The following STX18 variants were observed in gnomAD, a reference collection of about 807,000 sequenced individuals.
STX18 encodes the protein syntaxin 18.
In STX18, 40 loss-of-function variants were observed where a neutral mutation model predicts 50.1. The observed-to-expected ratio is 0.80, with a 90% confidence interval of 0.62 to 1.04. The LOEUF (loss-of-function observed/expected upper bound fraction) is 1.04, where lower values mean the gene tolerates loss of function less well. STX18 is among the 50% of genes least tolerant of loss of function. The probability of loss-of-function intolerance (pLI) is 0.00; values close to 1 mark genes in which losing one functional copy is unlikely to be tolerated. For synonymous variants in STX18, 158 were observed against 151.8 expected (o/e 1.04, Z -0.30); for missense variants, 410 against 415.8 (o/e 0.99, Z 0.12).
intron 1 of STX18, among the ~76,000 whole-genome samples, chr4:4,521,220 T>A (rs941994067): frequency 6.6e-6 from 1 of 152,194 alleles, no homozygotes; most frequent in African/African-American, 2.4e-5. Context: ...GTCCCCTCAC[T>A]GACATTTCTT....
At chr4:4,431,270 C>T (rs1306962888) in intron 7 of STX18, among the ~76,000 whole-genome samples, 2 of 152,154 alleles carry the variant, frequency 1.3e-5, no homozygotes, top group Admixed American at 6.5e-5. Flanking sequence ...CAGAGCTGTA[C>T]ACATTTTTTG....
intron 1 of STX18, among the ~76,000 whole-genome samples, chr4:4,480,914 T>C (rs1425236287): frequency 6.6e-6 from 1 of 152,226 alleles, no homozygotes; most frequent in Admixed American, 6.5e-5. Context: ...TGAAATGAGA[T>C]TGTTTTTAAG....
chr4:4,481,481 T>C (rs1336679779), intron 1 of STX18: 1 of 152,194 alleles, frequency 6.6e-6, no homozygotes, highest in African/African-American at 2.4e-5. Context: ...TTTTTTTTCA[T>C]TCAATCAGTG....
At chr4:4,509,473 A>C (rs1729894597) in intron 1 of STX18, among the ~76,000 whole-genome samples, 1 of 151,790 alleles carries the variant, frequency 6.6e-6, no homozygotes, top group South Asian at 2.1e-4. Context: ...TGCCAGGTGG[A>C]TAGATTACGA....
intron 2 of STX18, among the ~76,000 whole-genome samples, chr4:4,466,570 G>C (rs1727631572): frequency 6.6e-6 from 1 of 152,164 alleles, no homozygotes; most frequent in African/African-American, 2.4e-5. Context: ...AAGAGATCAG[G>C]CAAGTGACAA....
chr4:4,484,549 A>G (rs1478560209), intron 1 of STX18, among the ~76,000 whole-genome samples: 1 of 152,252 alleles, frequency 6.6e-6, no homozygotes, highest in Non-Finnish European at 1.5e-5. Flanking sequence ...CATCATTCAA[A>G]AAATGAGATG....
At chr4:4,459,189 A>G (rs1219966327) in intron 3 of STX18, among the ~76,000 whole-genome samples, 183 bp downstream of exon 3, 1 of 152,226 alleles carries the variant, frequency 6.6e-6, no homozygotes, top group Non-Finnish European at 1.5e-5. Flanking sequence ...CTTGAATGAT[A>G]CAGCCTTTGC....
intron 6 of STX18, among the ~76,000 whole-genome samples, chr4:4,435,287 CAT>C (rs774984526): frequency 1.7e-4 from 26 of 150,012 alleles, no homozygotes; most frequent in South Asian, 4.2e-4. Context: ...TATATACATA[CAT>C]ATATATATAT....
At chr4:4,491,011 C>T (rs1728914881) in intron 1 of STX18, among the ~76,000 whole-genome samples, 1 of 151,822 alleles carries the variant, frequency 6.6e-6, no homozygotes. Flanking sequence ...ATAAAAGCAA[C>T]GTGGTCCAAA....
Position 4,420,670 on chromosome 4 carries a change from G to A in STX18, c.912+194C>T, listed in dbSNP as rs950626879. On this transcript the variant is annotated intron_variant, in intron 10 of 10. Coordinates refer to ENST00000306200, the MANE Select transcript of STX18 (RefSeq NM_016930.4). The surrounding 1 kb of genome is among the most constrained non-coding windows in gnomAD (Gnocchi z 4.3). The stretch of plus-strand genomic sequence containing the variant: ...GGAGGCTGGTGAGCCACTGCCTCTC[G>A]AAAGCAGCTGGAGGTGGGCGACAGG... 9.0e-5 allele frequency: 52 copies of A among 580,202 alleles called. No homozygotes were observed. Among genetic ancestry groups the A allele is most frequent in the Non-Finnish European group, 1.2e-4 (40 of 328,776 alleles). The allele number at this position is 580,202 out of a possible 1,614,324, so 35.9% of individuals were successfully genotyped here.
At chr4:4,423,804 T>C in intron 8 of STX18, 2 of 576,944 alleles carry the variant, frequency 3.5e-6, no homozygotes, top group South Asian at 4.1e-5. Flanking sequence ...CACTGGTCTT[T>C]TTGGAAGTCC....
intron 9 of STX18, among the ~76,000 whole-genome samples, chr4:4,422,558 G>C (rs1725020749): frequency 7.4e-6 from 1 of 135,428 alleles, no homozygotes; most frequent in Non-Finnish European, 1.5e-5. Flanking sequence ...GACACAGCAA[G>C]ACTCTGTCTC....
At chr4:4,468,731 G>C (rs1727751349) in intron 2 of STX18, among the ~76,000 whole-genome samples, 2 of 152,100 alleles carry the variant, frequency 1.3e-5, no homozygotes, top group South Asian at 4.1e-4. Flanking sequence ...TTAAGGCTGA[G>C]CATGCACCTA....
intron 5 of STX18, among the ~76,000 whole-genome samples, chr4:4,444,454 C>T (rs1726282672): frequency 6.6e-6 from 1 of 152,110 alleles, no homozygotes; most frequent in Admixed American, 6.5e-5. Context: ...CAATGAAAAC[C>T]CTGAACACCA....
chr4:4,508,575 G>C (rs1304439685), intron 1 of STX18, among the ~76,000 whole-genome samples: 1 of 152,102 alleles, frequency 6.6e-6, no homozygotes, highest in Admixed American at 6.5e-5. Flanking sequence ...TTAAGTTCTG[G>C]GGTACATGCG....
At chr4:4,468,159 T>C (rs946473000) in intron 2 of STX18, among the ~76,000 whole-genome samples, 1 of 152,230 alleles carries the variant, frequency 6.6e-6, no homozygotes, top group Non-Finnish European at 1.5e-5. Context: ...TCTCAAGATG[T>C]AATCCTAAGG....
intron 5 of STX18, among the ~76,000 whole-genome samples, chr4:4,443,608 T>C (rs1726234334): frequency 6.6e-6 from 1 of 152,212 alleles, no homozygotes; most frequent in African/African-American, 2.4e-5. Flanking sequence ...AAGAGAAAAT[T>C]AGACACATAT....
chr4:4,476,907 A>T (rs1218497041), intron 1 of STX18, among the ~76,000 whole-genome samples: 1 of 152,106 alleles, frequency 6.6e-6, no homozygotes, highest in African/African-American at 2.4e-5. Flanking sequence ...ATGTTATTTT[A>T]AAAAATCTCG....
intron 1 of STX18, among the ~76,000 whole-genome samples, chr4:4,486,449 G>GT (rs1423203230): frequency 6.6e-6 from 1 of 152,220 alleles, no homozygotes; most frequent in Non-Finnish European, 1.5e-5. Context: ...CATTATAAAT[G>GT]TTTTTGAGTG....
Sources: gnomAD v4.1 joint callset for allele counts (sites outside exome capture counted in the v4.1 genomes callset) on GRCh38, gnomAD v4.1.1 for gene constraint, Gnocchi (gnomAD v3.1) non-coding constraint, MANE v1.5 for transcripts, NCBI Gene and HGNC (gene_info 2026-07-23, HGNC 2026-07-21) for gene names.